ANKS1B: variants seen among roughly 807,000 people sequenced by gnomAD.
The protein encoded by ANKS1B is ankyrin repeat and sterile alpha motif domain-containing protein 1B.
A neutral mutation model predicts 148.3 loss-of-function variants in ANKS1B; 36 were observed. The ratio of observed to expected loss-of-function variants is 0.24; its 90% CI spans 0.19 to 0.32. The LOEUF is 0.32. Ranked by LOEUF, ANKS1B falls within the 10% of genes least tolerant of loss-of-function variation. The pLI is 1.00. For missense variants in ANKS1B, 1,157 were observed against 1,542.6 expected, an observed-to-expected ratio of 0.75 and a Z score of 4.19; for synonymous variants, 542 against 560.8, an observed-to-expected ratio of 0.97 and a Z score of 0.47.
At chr12:98,818,157 T>TCCCC (rs1210997788) in intron 19 of ANKS1B, among the ~76,000 whole-genome samples, 14 of 47,578 alleles carry the variant, frequency 2.9e-4, no homozygotes, top group Admixed American at 1.6e-3. Flanking sequence ...CCCTCCCTCC[T>TCCCC]TCCCTCCCTC....
At chr12:99,607,791 C>CTAGAGAAG (rs1179893044) in intron 9 of ANKS1B, among the ~76,000 whole-genome samples, 1 of 151,980 alleles carries the variant, frequency 6.6e-6, no homozygotes. Flanking sequence ...ATATCAAGTT[C>CTAGAGAAG]TAGAGAAGTC....
intron 19 of ANKS1B, among the ~76,000 whole-genome samples, chr12:98,827,501 C>A (rs2099259115): frequency 6.6e-6 from 1 of 152,158 alleles, no homozygotes; most frequent in Non-Finnish European, 1.5e-5. Context: ...AGACAATTCT[C>A]ATAAGGGATG....
intron 20 of ANKS1B, among the ~76,000 whole-genome samples, chr12:98,807,373 A>G (rs535718014): frequency 3.9e-5 from 6 of 152,170 alleles, no homozygotes; most frequent in Non-Finnish European, 4.4e-5. Context: ...TGTATACAGA[A>G]TAACATGCAA....
intron 25 of ANKS1B, among the ~76,000 whole-genome samples, chr12:98,759,929 G>A (rs969883560): frequency 3.3e-5 from 5 of 152,072 alleles, no homozygotes; most frequent in Admixed American, 6.6e-5. Context: ...GCAATGAGCC[G>A]AGGTCGCACC....
At chr12:99,161,325 T>A (rs1439702561) in intron 14 of ANKS1B, among the ~76,000 whole-genome samples, 1 of 152,116 alleles carries the variant, frequency 6.6e-6, no homozygotes, top group East Asian at 1.9e-4. Flanking sequence ...TCACTTGAGT[T>A]TGAGACCAGC....
intron 9 of ANKS1B, among the ~76,000 whole-genome samples, chr12:99,633,596 A>G (rs563317660): frequency 4.7e-4 from 71 of 152,318 alleles, no homozygotes; most frequent in African/African-American, 1.6e-3. Context: ...CATGTCTAAA[A>G]CACCAAAAGC....
chr12:99,333,083 T>C (rs1235139492), intron 12 of ANKS1B, among the ~76,000 whole-genome samples: 1 of 152,032 alleles, frequency 6.6e-6, no homozygotes, highest in Non-Finnish European at 1.5e-5. Flanking sequence ...GTTTGGGGAA[T>C]GGTGATTAGC....
downstream of ANKS1B, among the ~76,000 whole-genome samples, chr12:98,742,844 G>A (rs2097812119): frequency 6.6e-6 from 1 of 152,220 alleles, no homozygotes; most frequent in African/African-American, 2.4e-5. Flanking sequence ...TGGCTGTTGG[G>A]GAGCTAGGAC....
At chr12:99,545,566 T>C (rs56061255) in intron 9 of ANKS1B, among the ~76,000 whole-genome samples, 2,193 of 152,088 alleles carry the variant, frequency 0.014, 46 homozygotes, top group African/African-American at 0.05. Context: ...ATTTAAGGCA[T>C]GTATTCTTTT....
At chr12:98,964,922 G>GTATTT (rs1435917131) in intron 17 of ANKS1B, among the ~76,000 whole-genome samples, 2 of 152,078 alleles carry the variant, frequency 1.3e-5, no homozygotes, top group East Asian at 3.9e-4. Context: ...TAGCACAACA[G>GTATTT]GTTAACTATA....
chr12:99,590,826 T>C (rs1220519187), intron 9 of ANKS1B, among the ~76,000 whole-genome samples: 1 of 152,208 alleles, frequency 6.6e-6, no homozygotes, highest in Non-Finnish European at 1.5e-5. Flanking sequence ...AGGCGTATTT[T>C]TGTGTCCATC....
intron 17 of ANKS1B, among the ~76,000 whole-genome samples, chr12:99,018,276 C>G (rs763167956): frequency 6.6e-6 from 1 of 152,166 alleles, no homozygotes; most frequent in African/African-American, 2.4e-5. Flanking sequence ...CCCAAGGGAG[C>G]TTGTTTGCCC....
intron 6 of ANKS1B, among the ~76,000 whole-genome samples, chr12:99,777,245 C>T (rs1567827783): frequency 1.3e-5 from 2 of 152,142 alleles, no homozygotes; most frequent in Non-Finnish European, 2.9e-5. Flanking sequence ...ACAAGTATGT[C>T]CTCATACCAT....
intron 12 of ANKS1B, among the ~76,000 whole-genome samples, chr12:99,279,780 A>G (rs2712658): frequency 0.77 from 117,098 of 152,016 alleles, 45,278 homozygotes; most frequent in East Asian, 0.9. Context: ...TTGGGAGGCC[A>G]AGGTGGGTGG....
intron 17 of ANKS1B, among the ~76,000 whole-genome samples, chr12:98,860,204 G>C (rs1221911474): frequency 6.6e-6 from 1 of 152,170 alleles, no homozygotes; most frequent in African/African-American, 2.4e-5. Flanking sequence ...TTCACACCTG[G>C]ATGCCAAACA....
chr12:99,256,531 T>C (rs2075284926), intron 12 of ANKS1B, among the ~76,000 whole-genome samples: 1 of 152,226 alleles, frequency 6.6e-6, no homozygotes, highest in African/African-American at 2.4e-5. Flanking sequence ...CTTCTTAAAG[T>C]TATTCTTTAG....
intron 26 of ANKS1B, among the ~76,000 whole-genome samples, chr12:98,746,271 G>A (rs1246039022): frequency 2.6e-5 from 4 of 152,018 alleles, no homozygotes; most frequent in East Asian, 3.9e-4. Flanking sequence ...AACAAAACCC[G>A]AACTCCTCAC....
chr12:99,384,906 T>C (rs2093796251), intron 12 of ANKS1B, among the ~76,000 whole-genome samples: 1 of 152,222 alleles, frequency 6.6e-6, no homozygotes, highest in Non-Finnish European at 1.5e-5. Context: ...GCCTGGATAT[T>C]AACATTTTAT....
chr12:99,082,738 G>A (rs988304980), intron 16 of ANKS1B, among the ~76,000 whole-genome samples: 1 of 152,088 alleles, frequency 6.6e-6, no homozygotes, highest in African/African-American at 2.4e-5. Context: ...TTACTTAGAT[G>A]GTAAGGAGCG....
Sources: allele counts gnomAD v4.1 joint callset (sites outside exome capture counted in the v4.1 genomes callset), GRCh38; gene constraint gnomAD v4.1.1; transcripts MANE v1.5; gene names NCBI Gene and HGNC (gene_info 2026-07-23, HGNC 2026-07-21).